Variants in DNAJC13 observed in about 807,000 individuals in gnomAD.
DNAJC13 encodes the protein dnaJ homolog subfamily C member 13.
A neutral mutation model predicts 290.5 loss-of-function variants in DNAJC13; 75 were observed. That is an observed-to-expected ratio of 0.26 (90% CI 0.21 to 0.31). The LOEUF is 0.31. Among genes scored for constraint, DNAJC13 ranks in the 10% least tolerant of loss-of-function variants. The probability of loss-of-function intolerance (pLI) is 1.00; values close to 1 mark genes in which losing one functional copy is unlikely to be tolerated. For synonymous variants in DNAJC13, 862 were observed against 892.0 expected (o/e 0.97, Z 0.60); for missense variants, 2,260 against 2,674.5 (o/e 0.85, Z 3.42).
At chr3:132,477,607 T>TA (rs942432614) in intron 22 of DNAJC13, among the ~76,000 whole-genome samples, 182 bp from the exon 23 acceptor site, 2 of 152,238 alleles carry the variant, frequency 1.3e-5, no homozygotes, top group Non-Finnish European at 2.9e-5. Flanking sequence ...CAGCAGGTCT[T>TA]ACATTTATAA....
At chr3:132,458,829 C>G (rs1472686397) in intron 13 of DNAJC13, among the ~76,000 whole-genome samples, 1 of 152,112 alleles carries the variant, frequency 6.6e-6, no homozygotes, top group Non-Finnish European at 1.5e-5. Flanking sequence ...TGATGTATCC[C>G]TCCCTGAAGT....
chr3:132,519,196 C>G (rs1226268466), intron 48 of DNAJC13, among the ~76,000 whole-genome samples: 3 of 152,036 alleles, frequency 2.0e-5, no homozygotes, highest in Non-Finnish European at 4.4e-5. Flanking sequence ...TATGTTAAAC[C>G]TTTTGAGGAA....
chr3:132,457,311 A>C lies in DNAJC13; in HGVS notation c.1392A>C (p.Lys464Asn). 2 of 1,613,616 alleles carry C rather than the reference A, an allele frequency of 1.2e-6. No homozygotes were observed. The highest frequency in any genetic ancestry group is 1.7e-6 in the Non-Finnish European group (2 of 1,179,696). The change falls in exon 13 of 56, where the codon AAA becomes AAC. Residue 464 changes from lysine to asparagine, a missense_variant. Lys to Asn is a moderately conservative substitution (Grantham distance 94). This residue lies in a region of DNAJC13 where 762 missense variants were observed against 964.1 expected (regional missense o/e 0.79). Transcript: ENST00000260818. ...GGGTGAAGGTAGTAAAAGCACTCAA[A>C]AGAAGCAACAACGGAATAATCCATG... Reference protein sequence around the residue: ...RLGVKVVKALKRSNNGIIHAA... With the variant: ...RLGVKVVKALNRSNNGIIHAA...
chr3:132,521,555 G>A (rs971439559), intron 48 of DNAJC13, among the ~76,000 whole-genome samples: 15 of 152,094 alleles, frequency 9.9e-5, no homozygotes, highest in African/African-American at 2.9e-4. Flanking sequence ...TTTAAATCCC[G>A]CTCTAACTTT....
intron 26 of DNAJC13, among the ~76,000 whole-genome samples, 193 bp downstream of exon 26, chr3:132,480,663 TTGAG>T (rs765088256): frequency 6.6e-6 from 1 of 152,164 alleles, no homozygotes; most frequent in Non-Finnish European, 1.5e-5. Flanking sequence ...ACAGTAACGA[TTGAG>T]TTTTATTTTG....
intron 30 of DNAJC13, among the ~76,000 whole-genome samples, chr3:132,488,674 TTAAG>T (rs1448535334): frequency 2.6e-5 from 4 of 152,176 alleles, no homozygotes; most frequent in African/African-American, 7.2e-5. Flanking sequence ...TATCTAGTAT[TTAAG>T]TATGTATTTA....
At chr3:132,480,530 A>T in intron 26 of DNAJC13, 60 bp downstream of exon 26, 1 of 1,247,172 alleles carries the variant, frequency 8.0e-7, no homozygotes. Flanking sequence ...TTTTAGAGGC[A>T]AAAGAATCAT....
At chr3:132,452,207 A>G (rs754297053) in intron 6 of DNAJC13, among the ~76,000 whole-genome samples, 2 of 152,242 alleles carry the variant, frequency 1.3e-5, no homozygotes, top group Non-Finnish European at 2.9e-5. Context: ...AAATTGTTTC[A>G]TACTCTTCTT....
At chr3:132,465,881 T>A in intron 17 of DNAJC13, 114 bp from the exon 18 acceptor site, 1 of 639,454 alleles carries the variant, frequency 1.6e-6, no homozygotes, top group Non-Finnish European at 2.7e-6. Flanking sequence ...ATCGGAATGA[T>A]TTTTTTACTG....
Position 132,523,176 on chromosome 3 carries a change from G to A in DNAJC13, c.5863G>A (p.Asp1955Asn). ...CCCAAGGCACTTTAAAAATCAGCAG[G>A]ACAACCCTGAGGCAAACTGGAAGGT... is the stretch of plus-strand genomic sequence containing the variant. ...MMLEHFKNQQ[D>N]NPEANWKLPE... The change falls in exon 50 of 56, where the codon GAC becomes AAC. Residue 1955 changes from aspartate to asparagine, a missense_variant. By Grantham distance (23) the Asp-to-Asn change is conservative (BLOSUM62 1). Coordinates refer to ENST00000260818, the MANE Select transcript of DNAJC13 (RefSeq NM_015268.4). The A allele has an allele frequency of 6.2e-7, 1 of 1,613,786 alleles. No individual in the cohort carries two copies. The highest frequency in any genetic ancestry group is 8.5e-7 in the Non-Finnish European group (1 of 1,179,846).
At chr3:132,472,530 T>G in intron 20 of DNAJC13, 1 of 984,040 alleles carries the variant, frequency 1.0e-6, no homozygotes, top group Non-Finnish European at 1.2e-6. Context: ...TTCTTTAACT[T>G]TTTTTCCTTT....
chr3:132,436,627 C>A (rs1939393271), intron 2 of DNAJC13, among the ~76,000 whole-genome samples: 1 of 152,204 alleles, frequency 6.6e-6, no homozygotes. Flanking sequence ...GTAGCTGCAG[C>A]ATTTTACATT....
chr3:132,479,294 A>C lies in DNAJC13; in HGVS notation c.2772+5A>C, dbSNP rs549790090. 2.5e-6 allele frequency: 4 copies of C among 1,588,376 alleles called. No individual in the cohort carries two copies. The highest frequency in any genetic ancestry group is 3.5e-6 in the Non-Finnish European group (4 of 1,157,692). On this transcript the variant is annotated splice_donor_5th_base_variant and intron_variant, in intron 25 of 55. Transcript: ENST00000260818. ...AACAAGTTGATCCTTAATAAGGTAC[A>C]GTAGTTTCGCATACATACATTGTTA...
intron 13 of DNAJC13, 56 bp downstream of exon 13, chr3:132,457,424 G>T (rs1933646304): frequency 2.2e-6 from 3 of 1,334,472 alleles, no homozygotes; most frequent in South Asian, 2.5e-5. Flanking sequence ...TGGTGGTTTT[G>T]ATTTCCACAG....
chr3:132,527,713 TTG>T (rs1936302429), intron 53 of DNAJC13, among the ~76,000 whole-genome samples: 1 of 152,208 alleles, frequency 6.6e-6, no homozygotes, highest in Non-Finnish European at 1.5e-5. Context: ...ATAGTGAAAA[TTG>T]TGACATTAGA....
At chr3:132,494,421 T>C (rs1330864022) in intron 34 of DNAJC13, among the ~76,000 whole-genome samples, 162 bp downstream of exon 34, 5 of 152,222 alleles carry the variant, frequency 3.3e-5, no homozygotes, top group Admixed American at 2.0e-4. Flanking sequence ...GTGACTTTCA[T>C]TTATTGCAAA....
intron 1 of DNAJC13, among the ~76,000 whole-genome samples, chr3:132,429,969 T>C (rs1939199086): frequency 6.6e-6 from 1 of 152,188 alleles, no homozygotes; most frequent in Non-Finnish European, 1.5e-5. Context: ...ACATAGGAAC[T>C]TGTACTGATG....
chr3:132,431,926 G>A (rs1236183236), intron 1 of DNAJC13, among the ~76,000 whole-genome samples: 3 of 152,066 alleles, frequency 2.0e-5, no homozygotes, highest in South Asian at 2.1e-4. Flanking sequence ...CAAGTGTTCC[G>A]AAAATAGTGG....
intron 55 of DNAJC13, 45 bp downstream of exon 55, chr3:132,531,142 C>T (rs1936402972): frequency 6.6e-7 from 1 of 1,524,948 alleles, no homozygotes; most frequent in African/African-American, 1.4e-5. Context: ...TGGCAGAAGC[C>T]ACTTGGACCT....
Sources: allele counts gnomAD v4.1 joint callset (sites outside exome capture counted in the v4.1 genomes callset), GRCh38; gene constraint gnomAD v4.1.1; regional missense constraint gnomAD v4.1.1; transcripts MANE v1.5; gene names NCBI Gene and HGNC (gene_info 2026-07-23, HGNC 2026-07-21).